The following PRKDC variants were observed in gnomAD, a reference collection of about 807,000 sequenced individuals.
PRKDC encodes DNA-dependent protein kinase catalytic subunit.
A neutral mutation model predicts 486.9 loss-of-function variants in PRKDC; 82 were observed. The observed-to-expected ratio is 0.17, with a 90% CI of 0.14 to 0.20. The LOEUF (loss-of-function observed/expected upper bound fraction) is 0.20. Among genes scored for constraint, PRKDC ranks in the 10% least tolerant of loss-of-function variants. The pLI, the probability that PRKDC is intolerant of heterozygous loss-of-function variation, is 1.00. For synonymous variants in PRKDC, 1,895 were observed against 1,837.0 expected, an observed-to-expected ratio of 1.03 and a Z score of -0.81; for missense variants, 4,504 against 5,038.2, an observed-to-expected ratio of 0.89 and a Z score of 3.21.
At chr8:47,804,046 C>T (rs1269032715) in intron 69 of PRKDC, among the ~76,000 whole-genome samples, 1 of 152,088 alleles carries the variant, frequency 6.6e-6, no homozygotes, top group Non-Finnish European at 1.5e-5. Flanking sequence ...ATTTTCACTA[C>T]CCCAAAAAGA....
At chr8:47,894,275 TA>T (rs920972372) in intron 30 of PRKDC, among the ~76,000 whole-genome samples, 1 of 151,546 alleles carries the variant, frequency 6.6e-6, no homozygotes, top group Non-Finnish European at 1.5e-5. Context: ...AGACTCGGTA[TA>T]AAAAAAAGAA....
In PRKDC at chr8:47,863,516, T is replaced by C; in HGVS notation, c.5633A>G (p.Asp1878Gly). 6.2e-7 allele frequency: 1 copy of C among 1,612,958 alleles called. No homozygotes were observed. Among genetic ancestry groups the C allele is most frequent in the South Asian group, 1.1e-5 (1 of 90,940 alleles). The change falls in exon 42 of 86, where the codon GAC (aspartate) becomes GGC (glycine). Residue 1878 changes from aspartate (D) to glycine (G), a missense_variant. Transcript: ENST00000314191. Reference protein sequence around the residue: ...TKKMGYYKILDVMYSRLPKDD... With the variant: ...TKKMGYYKILGVMYSRLPKDD... ...TTTGGGAAGGCGAGAATACATCACG[T>C]CTAGAATCTTATAGTAGCCCATCTT... is the stretch of plus-strand genomic sequence containing the variant.
At chr8:47,893,811 A>T (rs1186087979) in intron 30 of PRKDC, among the ~76,000 whole-genome samples, 1 of 152,250 alleles carries the variant, frequency 6.6e-6, no homozygotes, top group Middle Eastern at 3.2e-3. Context: ...TAAATAAGAG[A>T]ATCGAATGAG....
At chr8:47,792,975 G>A (rs2086907320) in intron 74 of PRKDC, among the ~76,000 whole-genome samples, 1 of 152,194 alleles carries the variant, frequency 6.6e-6, no homozygotes, top group South Asian at 2.1e-4. Flanking sequence ...TTGAATTCCT[G>A]TACTCAAGCA....
intron 21 of PRKDC, among the ~76,000 whole-genome samples, chr8:47,920,758 C>T (rs1054078386): frequency 6.6e-6 from 1 of 152,042 alleles, no homozygotes; most frequent in Non-Finnish European, 1.5e-5. Flanking sequence ...ATAGTTATTC[C>T]GGCTAATAAG....
At chr8:47,901,650 C>A (rs893538324) in intron 27 of PRKDC, among the ~76,000 whole-genome samples, 2 of 152,208 alleles carry the variant, frequency 1.3e-5, no homozygotes, top group Non-Finnish European at 2.9e-5. Context: ...TGCTCATTTG[C>A]CTATGTGGCT....
intron 67 of PRKDC, among the ~76,000 whole-genome samples, chr8:47,818,793 A>C (rs1278033834): frequency 1.3e-5 from 2 of 152,214 alleles, no homozygotes; most frequent in Non-Finnish European, 2.9e-5. Flanking sequence ...AATTAATTTT[A>C]ATTATTTAGG....
chr8:47,818,712 A>T (rs891674581), intron 67 of PRKDC, among the ~76,000 whole-genome samples: 10 of 152,242 alleles, frequency 6.6e-5, no homozygotes, highest in African/African-American at 2.2e-4. Context: ...TAATTTTCCA[A>T]AATTAAAATA....
At chr8:47,938,886 T>C (rs1376345766) in intron 11 of PRKDC, among the ~76,000 whole-genome samples, 3 of 152,120 alleles carry the variant, frequency 2.0e-5, no homozygotes, top group Non-Finnish European at 4.4e-5. Flanking sequence ...CTTAAATATA[T>C]CTCTTTCTGT....
intron 64 of PRKDC, among the ~76,000 whole-genome samples, chr8:47,823,365 T>C (rs2087649645): frequency 6.6e-6 from 1 of 151,746 alleles, no homozygotes; most frequent in Non-Finnish European, 1.5e-5. Context: ...TGTCTCTCTT[T>C]TGCTACTGCC....
chr8:47,887,080 C>A (rs2089351185), intron 35 of PRKDC, among the ~76,000 whole-genome samples: 1 of 152,138 alleles, frequency 6.6e-6, no homozygotes, highest in African/African-American at 2.4e-5. Context: ...ATGGAGTGAA[C>A]ACAGAGGGCT....
At chr8:47,959,148 C>G (rs887767860) in intron 1 of PRKDC, 5 of 152,110 alleles carry the variant, frequency 3.3e-5, no homozygotes, top group African/African-American at 1.2e-4. Context: ...GGTCTGCATA[C>G]TCGTGTTTTA....
In PRKDC at chr8:47,927,236, G is replaced by C. The variant is rs1273568872; in HGVS notation, c.2377C>G (p.Leu793Val). The C allele has an allele frequency of 6.2e-7, 1 of 1,613,816 alleles. No individual in the cohort carries two copies. Among genetic ancestry groups the C allele is most frequent in the Non-Finnish European group, 8.5e-7 (1 of 1,179,782 alleles). The change falls in exon 21 of 86, where the codon CTC becomes GTC. Residue 793 changes from leucine to valine, a missense_variant. Leu to Val is a conservative substitution (Grantham distance 32). Coordinates refer to ENST00000314191, the MANE Select transcript of PRKDC (RefSeq NM_006904.7). ...TTCAGGTATCCATCCAGGCAGGGGA[G>C]AATGTCTTTGTAATAAGGCTGCATT... ...HVMQPYYKDI[L>V]PCLDGYLKTS...
chr8:47,946,720 C>T (rs546087757), intron 7 of PRKDC, among the ~76,000 whole-genome samples: 25 of 152,262 alleles, frequency 1.6e-4, no homozygotes, highest in South Asian at 8.3e-4. Flanking sequence ...CCCTGTTACA[C>T]GCACAACTGC....
chr8:47,821,508 G>T (rs1390957239), intron 65 of PRKDC, 96 bp downstream of exon 65: 30 of 1,221,416 alleles, frequency 2.5e-5, no homozygotes, highest in Non-Finnish European at 3.4e-5. Context: ...TGCTTCACAA[G>T]TACTACCTGT....
intron 15 of PRKDC, among the ~76,000 whole-genome samples, chr8:47,933,489 G>A (rs1184987489): frequency 6.6e-6 from 1 of 152,196 alleles, no homozygotes; most frequent in African/African-American, 2.4e-5. Flanking sequence ...GGATGTGTAT[G>A]TATAAACACA....
intron 52 of PRKDC, among the ~76,000 whole-genome samples, chr8:47,850,951 G>A (rs1259118498): frequency 1.3e-5 from 2 of 152,094 alleles, no homozygotes; most frequent in Non-Finnish European, 1.5e-5. Flanking sequence ...CTGGGATTAT[G>A]GGAGTGTGCC....
chr8:47,777,129 A>C (rs747235505), intron 84 of PRKDC, 146 bp from the exon 85 acceptor site: 27 of 958,248 alleles, frequency 2.8e-5, no homozygotes, highest in Non-Finnish European at 4.0e-5. Flanking sequence ...AAAGCTGTTC[A>C]TACAGACTCC....
Position 47,889,329 on chromosome 8 carries a change from G to A in PRKDC, c.4072-107C>T, listed in dbSNP as rs2089406459. On this transcript the variant is annotated intron_variant, in intron 32 of 85. Transcript: ENST00000314191. ...ACTTCTGCCTGACTAAGGGAGAGGT[G>A]GGCAGAGTTTCTCTGTAAAACGGGG... The A allele has an allele frequency of 4.3e-6, 4 of 926,676 alleles. No homozygotes were observed. The East Asian group carries it at 7.9e-5, about 18-fold the overall frequency. The allele number at this position is 926,676 out of a possible 1,614,324, so 57.4% of individuals were successfully genotyped here.
Sources: gnomAD v4.1 joint callset for allele counts (sites outside exome capture counted in the v4.1 genomes callset) on GRCh38, gnomAD v4.1.1 for gene constraint, MANE v1.5 for transcripts, NCBI Gene and HGNC (gene_info 2026-07-23, HGNC 2026-07-21) for gene names.